Variants in GMPS observed in about 807,000 individuals in gnomAD.
GMPS encodes the protein GMP synthase [glutamine-hydrolyzing].
A neutral mutation model predicts 77.9 loss-of-function variants in GMPS; 15 were observed. That is an observed-to-expected ratio of 0.19 (90% CI 0.13 to 0.30). GMPS has a LOEUF of 0.30. GMPS is among the 10% of genes least tolerant of loss of function. The probability of loss-of-function intolerance (pLI) is 1.00; values close to 1 mark genes in which losing one functional copy is unlikely to be tolerated. For missense variants in GMPS, 590 were observed against 838.8 expected, an observed-to-expected ratio of 0.70 and a Z score of 3.66; for synonymous variants, 224 against 275.9, an observed-to-expected ratio of 0.81 and a Z score of 1.86.
chr3:155,906,365 C>T, intron 5 of GMPS, 102 bp downstream of exon 5: 2 of 575,724 alleles, frequency 3.5e-6, no homozygotes, highest in African/African-American at 1.9e-5. Context: ...CCTTTTTCTT[C>T]TGATTTTTCT....
rs1200315198 is a variant in GMPS at position 155,940,195 on chromosome 3, G to A, written c.*2503G>A. On this transcript the variant is annotated 3_prime_UTR_variant, in exon 16 of 16. Coordinates refer to ENST00000496455, the MANE Select transcript of GMPS (RefSeq NM_003875.3). Reference sequence around the variant, plus strand: ...TCTTTGTACTTTTTAGGTAGACAGAGAATGTAGATCATTGAAAGCATTATT... The same window carrying A: ...TCTTTGTACTTTTTAGGTAGACAGAAAATGTAGATCATTGAAAGCATTATT... 2.0e-5 allele frequency: 4 copies of A among 199,600 alleles called. No individual in the cohort carries two copies. Among genetic ancestry groups the A allele is most frequent in the Non-Finnish European group, 3.1e-5 (3 of 96,676 alleles). 12.4% of individuals were successfully genotyped at this position (199,600 alleles called of 1,614,324 possible).
At chr3:155,885,755 T>C (rs766119172) in intron 1 of GMPS, among the ~76,000 whole-genome samples, 16 of 152,234 alleles carry the variant, frequency 1.1e-4, no homozygotes, top group Non-Finnish European at 2.2e-4. Context: ...AACCTGTATA[T>C]AGAAAGAGAC....
intron 2 of GMPS, 92 bp downstream of exon 2, chr3:155,893,791 G>A (rs189353502): frequency 1.5e-5 from 10 of 684,714 alleles, no homozygotes; most frequent in Admixed American, 3.7e-5. Flanking sequence ...ATTTTTCTAC[G>A]AAAATAAGAT....
rs1159087553 is a variant in GMPS, at chr3:155,934,993, T to A, written c.1754T>A (p.Leu585His). 1.2e-6 allele frequency: 2 copies of A among 1,603,038 alleles called. No homozygotes were observed. Among genetic ancestry groups the A allele is most frequent in the Non-Finnish European group, 1.7e-6 (2 of 1,169,916 alleles). The change falls in exon 14 of 16, where the codon CTC becomes CAC. Residue 585 changes from leucine to histidine, a missense_variant. Leu to His is a moderately conservative substitution (Grantham distance 99). Around this residue, in one of 6 missense-constraint regions of GMPS, gnomAD observed 73 missense variants for 170.5 expected, o/e 0.43. Coordinates refer to ENST00000496455, the MANE Select transcript of GMPS (RefSeq NM_003875.3). ...VTPTFLTTGV[L>H]STLRQADFEA... Reference sequence around the variant, plus strand: ...CCCACTTTCTTGACAACAGGGGTGCTCAGTACTTTACGCCAAGCTGATTTT... The same window carrying A: ...CCCACTTTCTTGACAACAGGGGTGCACAGTACTTTACGCCAAGCTGATTTT...
intron 10 of GMPS, among the ~76,000 whole-genome samples, chr3:155,920,574 T>TAAAAA (rs145651357): frequency 1.8e-5 from 2 of 109,726 alleles, no homozygotes; most frequent in Non-Finnish European, 3.6e-5. Flanking sequence ...GACTCCATCT[T>TAAAAA]AAAAAAAAAA....
chr3:155,920,587 A>G (rs1026331737), intron 10 of GMPS, among the ~76,000 whole-genome samples: 3 of 148,946 alleles, frequency 2.0e-5, no homozygotes, highest in Non-Finnish European at 4.4e-5. Context: ...AAAAAAAAAA[A>G]AAGAAAAAAA....
At chr3:155,927,589 C>A (rs552994447) in intron 12 of GMPS, among the ~76,000 whole-genome samples, 1 of 152,198 alleles carries the variant, frequency 6.6e-6, no homozygotes, top group South Asian at 2.1e-4. Flanking sequence ...GAAGCTTAGA[C>A]CCTTGCAAGC....
chr3:155,909,568 A>G (rs539791346), intron 5 of GMPS, among the ~76,000 whole-genome samples: 6 of 152,346 alleles, frequency 3.9e-5, no homozygotes, highest in Admixed American at 3.9e-4. Context: ...TTATAAAGAA[A>G]GGTTATAGCA....
intron 4 of GMPS, among the ~76,000 whole-genome samples, chr3:155,905,724 T>G (rs901236410): frequency 1.6e-4 from 25 of 152,246 alleles, no homozygotes; most frequent in African/African-American, 5.8e-4. Context: ...GTATCTATAT[T>G]GTACTTACAG....
intron 8 of GMPS, among the ~76,000 whole-genome samples, chr3:155,914,957 C>T (rs907300389): frequency 2.0e-5 from 3 of 151,070 alleles, no homozygotes; most frequent in Non-Finnish European, 3.0e-5. Context: ...TTAGTAGAGA[C>T]GGGGGTTTCA....
chr3:155,937,546 G>C, intron 15 of GMPS, 45 bp from the exon 16 acceptor site: 1 of 826,794 alleles, frequency 1.2e-6, no homozygotes, highest in South Asian at 1.4e-5. Flanking sequence ...AGGACTGCTG[G>C]ACATGCAGTG....
chr3:155,894,707 G>C (rs1358272709), intron 2 of GMPS, among the ~76,000 whole-genome samples: 1 of 152,156 alleles, frequency 6.6e-6, no homozygotes, highest in Non-Finnish European at 1.5e-5. Flanking sequence ...TTTCCAGTGT[G>C]AAAGTGGTTA....
In GMPS at chr3:155,942,084, A is replaced by G. The variant is rs1291975180; in HGVS notation, c.*4392A>G. On this transcript the variant is annotated 3_prime_UTR_variant, in exon 16 of 16. Coordinates refer to ENST00000496455, the MANE Select transcript of GMPS (RefSeq NM_003875.3). ...AATCTGGAGGAGGTAGAACTCAAGC[A>G]TTTACAGTTTTGTTTTGTTTTTTTT... 5 of 197,980 alleles carry G rather than the reference A, an allele frequency of 2.5e-5. No individual in the cohort carries two copies. The highest frequency in any genetic ancestry group is 5.2e-5 in the Non-Finnish European group (5 of 96,004). 12.3% of individuals were successfully genotyped at this position (197,980 alleles called of 1,614,324 possible). A position where few individuals can be genotyped will look rare whatever the true frequency, so the allele number is the denominator to read the frequency against.
At chr3:155,924,068 C>T (rs142830243) in intron 11 of GMPS, among the ~76,000 whole-genome samples, 3,141 of 152,150 alleles carry the variant, frequency 0.021, 128 homozygotes, top group African/African-American at 0.071. Flanking sequence ...TTAGTTGAGA[C>T]GGGGTTTCTC....
chr3:155,935,131 CTTT>C, intron 14 of GMPS, 85 bp downstream of exon 14: 1 of 870,518 alleles, frequency 1.1e-6, no homozygotes, highest in Non-Finnish European at 1.9e-6. Context: ...GTGGCTTTTG[CTTT>C]TTAGATGCTT....
intron 12 of GMPS, among the ~76,000 whole-genome samples, chr3:155,930,918 G>C (rs147910213): frequency 6.6e-6 from 1 of 152,086 alleles, no homozygotes; most frequent in Non-Finnish European, 1.5e-5. Flanking sequence ...ACCTCGTTGG[G>C]CTCAGGTGAT....
intron 1 of GMPS, among the ~76,000 whole-genome samples, chr3:155,892,787 T>C (rs12634282): frequency 0.27 from 41,060 of 152,062 alleles, 5,860 homozygotes; most frequent in South Asian, 0.44. Context: ...CCCGCCACCA[T>C]GCCCAACTAA....
chr3:155,937,183 CCT>C (rs1166672394), intron 15 of GMPS, among the ~76,000 whole-genome samples: 5 of 152,186 alleles, frequency 3.3e-5, no homozygotes, highest in Non-Finnish European at 7.4e-5. Context: ...CTCTGTGCCA[CCT>C]TGGTGGCCCT....
In GMPS at chr3:155,938,854, A is replaced by G. The variant is rs980614032; in HGVS notation, c.*1162A>G. The G allele has an allele frequency of 9.4e-6, 2 of 213,544 alleles. No individual in the cohort carries two copies. The highest frequency in any genetic ancestry group is 1.9e-5 in the Non-Finnish European group (2 of 105,658). The allele number at this position is 213,544 out of a possible 1,614,324, so 13.2% of individuals were successfully genotyped here. A position where few individuals can be genotyped will look rare whatever the true frequency, so the allele number is the denominator to read the frequency against. On this transcript the variant is annotated 3_prime_UTR_variant, in exon 16 of 16. Coordinates refer to ENST00000496455, the MANE Select transcript of GMPS (RefSeq NM_003875.3). ...CTAACAGATCTTTTATAACATTCAC[A>G]TAAGTACTGTAGACAGTAGTAGACT...
Sources: allele counts gnomAD v4.1 joint callset (sites outside exome capture counted in the v4.1 genomes callset), GRCh38; gene constraint gnomAD v4.1.1; regional missense constraint gnomAD v4.1.1; transcripts MANE v1.5; gene names NCBI Gene and HGNC (gene_info 2026-07-23, HGNC 2026-07-21).